MSI2: variants seen among roughly 807,000 people sequenced by gnomAD.
The protein encoded by MSI2 is musashi RNA binding protein 2.
Under a neutral mutation model 45.6 loss-of-function variants are expected in MSI2, and 17 were observed. That is an observed-to-expected ratio of 0.37 (90% CI 0.26 to 0.56). MSI2 has a LOEUF of 0.56. Among genes scored for constraint, MSI2 ranks in the 20% least tolerant of loss-of-function variants. The pLI is 0.77. For missense variants in MSI2, 293 were observed against 444.2 expected (o/e 0.66, Z 3.06); for synonymous variants, 156 against 158.2 (o/e 0.99, Z 0.11).
chr17:57,489,464 A>G (rs2085823887), intron 6 of MSI2, among the ~76,000 whole-genome samples: 1 of 152,172 alleles, frequency 6.6e-6, no homozygotes, highest in Non-Finnish European at 1.5e-5. Context: ...GAAGCAGCCA[A>G]ATGGCCCTGG....
At chr17:57,510,369 G>A (rs935505481) in intron 6 of MSI2, among the ~76,000 whole-genome samples, 4 of 150,666 alleles carry the variant, frequency 2.7e-5, no homozygotes, top group Admixed American at 6.6e-5. Flanking sequence ...TTCCACTGGC[G>A]TGAGCTCCTA....
intron 7 of MSI2, among the ~76,000 whole-genome samples, chr17:57,548,201 T>C (rs920669039): frequency 2.6e-5 from 4 of 152,154 alleles, no homozygotes; most frequent in African/African-American, 9.7e-5. Context: ...CCCTTCTTCT[T>C]AACAGCTCCC....
At position 57,677,068 on chromosome 17, in the gene MSI2, G is replaced by T. The variant is rs141674067; in HGVS notation, c.*31+9G>T. 6.2e-7 allele frequency: 1 copy of T among 1,602,530 alleles called. No homozygotes were observed. The highest frequency in any genetic ancestry group is 2.2e-5 in the East Asian group (1 of 44,812). On this transcript the variant is annotated intron_variant, in intron 13 of 13. Transcript: ENST00000284073. ...TGCCATCTCACTCTGAGGTATTACC[G>T]TCTCTGCCATGTGTCTCTGCCCTGC...
chr17:57,490,370 C>CA (rs1439526766), intron 6 of MSI2, among the ~76,000 whole-genome samples: 7 of 152,186 alleles, frequency 4.6e-5, no homozygotes, highest in Non-Finnish European at 1.0e-4. Flanking sequence ...GCTACAGTGC[C>CA]AAAAGGCTTG....
downstream of MSI2, among the ~76,000 whole-genome samples, chr17:57,687,966 G>A (rs1174082736): frequency 1.3e-5 from 2 of 152,048 alleles, no homozygotes; most frequent in African/African-American, 4.8e-5. Context: ...AAAACCATAT[G>A]ACCATAACAA....
intron 6 of MSI2, among the ~76,000 whole-genome samples, chr17:57,443,717 G>A (rs752090281): frequency 2.0e-5 from 3 of 152,110 alleles, no homozygotes; most frequent in African/African-American, 7.2e-5. Flanking sequence ...AGCCTGAACC[G>A]TGTCACTCAC....
chr17:57,315,466 T>C (rs1912782102), intron 5 of MSI2, among the ~76,000 whole-genome samples: 1 of 152,010 alleles, frequency 6.6e-6, no homozygotes, highest in South Asian at 2.1e-4. Flanking sequence ...AGGGCAGATA[T>C]GCGGGTGGAA....
rs142087365 is a variant in MSI2 at position 57,657,865 on chromosome 17, G to A, written c.790+5704G>A. 3.3e-3 allele frequency among the ~76,000 whole-genome samples: 502 copies of A among 152,272 alleles called. 3 individuals carry two copies. Among genetic ancestry groups the A allele is most frequent in the African/African-American group, 0.011 (474 of 41,554 alleles). On this transcript the variant is annotated intron_variant, in intron 11 of 13. Coordinates refer to ENST00000284073, the MANE Select transcript of MSI2 (RefSeq NM_138962.4). ...TTCAACATGTATTTATTAAGGATTT[G>A]TTTTGTACCAAGCACCAAGGAATAT... is the stretch of plus-strand genomic sequence containing the variant.
chr17:57,457,829 A>G (rs2085144903), intron 6 of MSI2, among the ~76,000 whole-genome samples: 1 of 152,210 alleles, frequency 6.6e-6, no homozygotes, highest in Admixed American at 6.5e-5. Flanking sequence ...GGATCACTTG[A>G]GTCCAGGAGT....
chr17:57,695,860 G>T, the MSI2 span, among the ~76,000 whole-genome samples: 1 of 152,204 alleles, frequency 6.6e-6, no homozygotes, highest in Non-Finnish European at 1.5e-5. Context: ...CTGGCTTGTA[G>T]ATGACCACCT....
chr17:57,561,393 C>G (rs916621061), intron 7 of MSI2, among the ~76,000 whole-genome samples: 2 of 152,216 alleles, frequency 1.3e-5, no homozygotes, highest in African/African-American at 2.4e-5. Flanking sequence ...AATCCCCGCT[C>G]TTGCTCTCCC....
chr17:57,537,146 G>A (rs973720203), intron 7 of MSI2, among the ~76,000 whole-genome samples: 5 of 152,126 alleles, frequency 3.3e-5, no homozygotes, highest in African/African-American at 7.2e-5. Context: ...AGGAAGAATC[G>A]CCTAGTCCAA....
chr17:57,511,668 T>C (rs1598350436), intron 6 of MSI2, among the ~76,000 whole-genome samples: 1 of 151,942 alleles, frequency 6.6e-6, no homozygotes, highest in South Asian at 2.1e-4. Context: ...CACAGCAGGG[T>C]TGATTAAGCC....
chr17:57,408,902 T>TAGGGTGTA (rs1284340994), intron 6 of MSI2, among the ~76,000 whole-genome samples: 1 of 145,454 alleles, frequency 6.9e-6, no homozygotes, highest in Non-Finnish European at 1.5e-5. Flanking sequence ...CCCACCTCCG[T>TAGGGTGTA]AGGATACCCC....
At chr17:57,422,623 C>T (rs1357497823) in intron 6 of MSI2, among the ~76,000 whole-genome samples, 1 of 152,232 alleles carries the variant, frequency 6.6e-6, no homozygotes, top group African/African-American at 2.4e-5. Flanking sequence ...GGCTAGCAAA[C>T]TCCAGACCCA....
intron 11 of MSI2, among the ~76,000 whole-genome samples, chr17:57,664,589 A>T (rs1003678081): frequency 2.0e-5 from 3 of 152,188 alleles, no homozygotes. Flanking sequence ...GTTCCAGGTG[A>T]TAGGAAACTT....
At chr17:57,608,820 G>C (rs1052236472) in intron 8 of MSI2, among the ~76,000 whole-genome samples, 6 of 152,220 alleles carry the variant, frequency 3.9e-5, no homozygotes, top group Non-Finnish European at 8.8e-5. Flanking sequence ...CAAGTTCCTT[G>C]AGGGTGGGTC....
In MSI2 at chr17:57,440,475, C is replaced by T. The variant is rs1258914299; in HGVS notation, c.405+39004C>T. Among the ~76,000 whole-genome samples the T allele has an allele frequency of 3.6e-5, 3 of 83,884 alleles. No homozygotes were observed. In the East Asian group the frequency reaches 1.6e-3, roughly 44 times the overall value. 55.0% of individuals were successfully genotyped at this position (83,884 alleles called of 152,430 possible). On this transcript the variant is annotated intron_variant, in intron 6 of 13. Coordinates refer to ENST00000284073, the MANE Select transcript of MSI2 (RefSeq NM_138962.4). ...GTGTGTGTGTGTGTGTGTAGCGTGGCTGGGTCAGACTGGATTCCTTGTTGA... is the reference window on the plus strand; with the variant it reads ...GTGTGTGTGTGTGTGTGTAGCGTGGTTGGGTCAGACTGGATTCCTTGTTGA...
Position 57,682,607 on chromosome 17 carries a change from C to T in MSI2, c.*3090C>T, listed in dbSNP as rs1357035012. The T allele has an allele frequency of 4.8e-6, 1 of 209,002 alleles. No homozygotes were observed. Among genetic ancestry groups the T allele is most frequent in the East Asian group, 7.3e-5 (1 of 13,788 alleles). The allele number at this position is 209,002 out of a possible 1,614,324, so 12.9% of individuals were successfully genotyped here. A position where few individuals can be genotyped will look rare whatever the true frequency, so the allele number is the denominator to read the frequency against. Reference sequence around the variant, plus strand: ...TGTGGCTACCTAGGTTTAAGGTTCACGTTAGTCCCCCCATTCCATCTAGAA... The same window carrying T: ...TGTGGCTACCTAGGTTTAAGGTTCATGTTAGTCCCCCCATTCCATCTAGAA... On this transcript the variant is annotated 3_prime_UTR_variant, in exon 14 of 14. Transcript: ENST00000284073.
Sources: allele counts gnomAD v4.1 joint callset (sites outside exome capture counted in the v4.1 genomes callset), GRCh38; gene constraint gnomAD v4.1.1; transcripts MANE v1.5; gene names NCBI Gene and HGNC (gene_info 2026-07-23, HGNC 2026-07-21).